MCTP1: variants seen among roughly 807,000 people sequenced by gnomAD.
The protein encoded by MCTP1 is multiple C2 and transmembrane domain containing 1.
A neutral mutation model predicts 120.6 loss-of-function variants in MCTP1; 69 were observed. The observed-to-expected ratio is 0.57, with a 90% CI of 0.47 to 0.70. The LOEUF (loss-of-function observed/expected upper bound fraction) is 0.70. Among genes scored for constraint, MCTP1 ranks in the 30% least tolerant of loss-of-function variants. MCTP1 has a pLI of 0.00. For missense variants in MCTP1, 1,203 were observed against 1,248.8 expected, an observed-to-expected ratio of 0.96 and a Z score of 0.55; for synonymous variants, 529 against 493.1, an observed-to-expected ratio of 1.07 and a Z score of -0.96.
At chr5:95,250,078 G>C (rs537966265) in intron 1 of MCTP1, among the ~76,000 whole-genome samples, 2 of 152,262 alleles carry the variant, frequency 1.3e-5, no homozygotes, top group African/African-American at 4.8e-5. Context: ...GATGGGTACA[G>C]CAAACCAACA....
At chr5:95,097,394 T>C (rs1242707610) in intron 1 of MCTP1, among the ~76,000 whole-genome samples, 2 of 152,088 alleles carry the variant, frequency 1.3e-5, no homozygotes, top group Admixed American at 6.5e-5. Context: ...CAGGGGAAGA[T>C]TGTAAGATTG....
chr5:95,017,157 G>A (rs935782680), intron 2 of MCTP1, among the ~76,000 whole-genome samples: 1 of 152,122 alleles, frequency 6.6e-6, no homozygotes, highest in South Asian at 2.1e-4. Flanking sequence ...TGTCTGGGTT[G>A]AGAATAAGTC....
intron 1 of MCTP1, among the ~76,000 whole-genome samples, chr5:95,251,955 C>G (rs956642417): frequency 6.6e-6 from 1 of 151,958 alleles, no homozygotes; most frequent in Non-Finnish European, 1.5e-5. Flanking sequence ...AACTTCTCCA[C>G]AAAGGTAGAA....
At chr5:94,882,539 A>G (rs1248995903) in intron 12 of MCTP1, among the ~76,000 whole-genome samples, 2 of 88,034 alleles carry the variant, frequency 2.3e-5, no homozygotes, top group African/African-American at 3.3e-5. Context: ...ATGTAACAAA[A>G]TATTTTTTAA....
intron 1 of MCTP1, among the ~76,000 whole-genome samples, chr5:95,174,676 C>G (rs956454474): frequency 6.6e-6 from 1 of 152,186 alleles, no homozygotes; most frequent in African/African-American, 2.4e-5. Context: ...AATGGGGACT[C>G]CCCTCAGACC....
chr5:94,991,877 C>A (rs201733005), intron 2 of MCTP1, among the ~76,000 whole-genome samples: 1 of 150,462 alleles, frequency 6.6e-6, no homozygotes. Context: ...AACTCCATCT[C>A]AAAAAAAAAT....
At chr5:94,824,130 A>G (rs1786361361) in intron 17 of MCTP1, among the ~76,000 whole-genome samples, 1 of 152,210 alleles carries the variant, frequency 6.6e-6, no homozygotes, top group Non-Finnish European at 1.5e-5. Context: ...GCCGGTTTTC[A>G]AAGGGAATTC....
At chr5:94,901,617 A>G (rs2153420410) in intron 10 of MCTP1, among the ~76,000 whole-genome samples, 1 of 152,152 alleles carries the variant, frequency 6.6e-6, no homozygotes, top group South Asian at 2.1e-4. Flanking sequence ...TCTGCATTAA[A>G]AAAAAAAAAC....
chr5:94,921,380 G>A (rs1402800536), intron 7 of MCTP1, among the ~76,000 whole-genome samples: 1 of 152,156 alleles, frequency 6.6e-6, no homozygotes. Context: ...TTCCAGCTGA[G>A]CAAGTTTTTA....
intron 19 of MCTP1, among the ~76,000 whole-genome samples, chr5:94,754,922 T>G (rs2152819958): frequency 6.6e-6 from 1 of 152,276 alleles, no homozygotes; most frequent in East Asian, 1.9e-4. Context: ...GTCTTTATGT[T>G]CTTTCTGTAT....
intron 1 of MCTP1, among the ~76,000 whole-genome samples, chr5:95,111,833 CTTAT>C (rs1045000959): frequency 2.0e-5 from 3 of 152,000 alleles, no homozygotes; most frequent in African/African-American, 7.2e-5. Flanking sequence ...TGAAGCTTTC[CTTAT>C]TTTTCTCTGA....
intron 1 of MCTP1, among the ~76,000 whole-genome samples, chr5:95,219,483 C>A (rs1039995862): frequency 6.6e-6 from 1 of 151,896 alleles, no homozygotes; most frequent in Non-Finnish European, 1.5e-5. Context: ...TCATGTGTAT[C>A]TATGAGGCTA....
intron 9 of MCTP1, among the ~76,000 whole-genome samples, chr5:94,912,143 G>T (rs977967717): frequency 6.6e-6 from 1 of 151,998 alleles, no homozygotes; most frequent in Non-Finnish European, 1.5e-5. Context: ...TTATAATACT[G>T]ATATTAGCAC....
chr5:94,736,962 A>C (rs1580388426), intron 19 of MCTP1, among the ~76,000 whole-genome samples: 1 of 152,142 alleles, frequency 6.6e-6, no homozygotes, highest in African/African-American at 2.4e-5. Flanking sequence ...GGAGACCCTG[A>C]CTTCATGATG....
intron 1 of MCTP1, among the ~76,000 whole-genome samples, chr5:95,105,788 T>C (rs1212416754): frequency 6.6e-6 from 1 of 152,146 alleles, no homozygotes; most frequent in East Asian, 1.9e-4. Flanking sequence ...AAGACTTGTC[T>C]TTAAAAGAAA....
chr5:95,125,092 A>C (rs1394270100), intron 1 of MCTP1, among the ~76,000 whole-genome samples: 1 of 152,248 alleles, frequency 6.6e-6, no homozygotes, highest in Admixed American at 6.5e-5. Flanking sequence ...GATATTACAC[A>C]CACTAAGAAT....
chr5:95,123,719 G>A (rs998694741), intron 1 of MCTP1, among the ~76,000 whole-genome samples: 4 of 150,778 alleles, frequency 2.7e-5, no homozygotes, highest in East Asian at 2.0e-4. Context: ...GCACGATCTC[G>A]GCTCACTGCA....
intron 20 of MCTP1, among the ~76,000 whole-genome samples, chr5:94,714,112 G>A (rs1290982438): frequency 6.6e-6 from 1 of 151,990 alleles, no homozygotes; most frequent in Non-Finnish European, 1.5e-5. Context: ...CATTAGTTTA[G>A]ATAAAACACA....
At chr5:95,222,176 G>T (rs567250643) in intron 1 of MCTP1, among the ~76,000 whole-genome samples, 16 of 152,314 alleles carry the variant, frequency 1.1e-4, no homozygotes, top group African/African-American at 3.1e-4. Context: ...GCCATCCTCA[G>T]CACGCAGCTT....
Sources: allele counts gnomAD v4.1 joint callset (sites outside exome capture counted in the v4.1 genomes callset), GRCh38; gene constraint gnomAD v4.1.1; transcripts MANE v1.5; gene names NCBI Gene and HGNC (gene_info 2026-07-23, HGNC 2026-07-21).